PKHD1: variants seen among roughly 807,000 people sequenced by gnomAD.
The protein encoded by PKHD1 is fibrocystin.
PKHD1 carries 291 observed loss-of-function variants against 412.0 expected under a neutral mutation model. That is an observed-to-expected ratio of 0.71 (90% confidence interval 0.64 to 0.78). The LOEUF (loss-of-function observed/expected upper bound fraction) is 0.78. Among genes scored for constraint, PKHD1 ranks in the 30% least tolerant of loss-of-function variants. PKHD1 has a pLI of 0.00. For synonymous variants in PKHD1, 1,777 were observed against 1,821.5 expected (o/e 0.98, Z 0.62); for missense variants, 4,825 against 4,950.7 (o/e 0.97, Z 0.76).
intron 65 of PKHD1, among the ~76,000 whole-genome samples, chr6:51,627,934 T>A (rs1373330287): frequency 1.3e-5 from 2 of 152,138 alleles, no homozygotes; most frequent in African/African-American, 4.8e-5. Context: ...GTAAAAAAGA[T>A]CTGATCCCTA....
chr6:52,027,847 A>G lies in PKHD1; in HGVS notation c.3610T>C (p.Cys1204Arg), dbSNP rs999887393. ...YLTEVFSIEPCCGSLLGGTIL... is the reference protein window; with the variant it reads ...YLTEVFSIEPRCGSLLGGTIL... ...CACTCACCCAGCAGGGACCCACAGC[A>G]AGGCTCGATGCTGAAAACTTCTGTG... The change falls in exon 31 of 67, where the codon TGC becomes CGC. Residue 1204 changes from cysteine to arginine, a missense_variant. Cys to Arg is a radical substitution (Grantham distance 180). Coordinates refer to ENST00000371117, the MANE Select transcript of PKHD1 (RefSeq NM_138694.4). 5.6e-6 allele frequency: 9 copies of G among 1,613,072 alleles called. No individual in the cohort carries two copies. The African/African-American group carries it at 1.2e-4, about 22-fold the overall frequency.
intron 52 of PKHD1, among the ~76,000 whole-genome samples, chr6:51,794,944 T>C (rs1161668837): frequency 6.6e-6 from 1 of 152,216 alleles, no homozygotes; most frequent in African/African-American, 2.4e-5. Flanking sequence ...CCCTGCGGTA[T>C]AAAGTTGGGT....
Position 52,022,846 on chromosome 6 carries a change from T to C in PKHD1, c.5335A>G (p.Asn1779Asp). The C allele has an allele frequency of 6.2e-7, 1 of 1,614,124 alleles. No individual in the cohort carries two copies. The highest frequency in any genetic ancestry group is 8.5e-7 in the Non-Finnish European group (1 of 1,180,024). Residue 1779 changes from asparagine (N) to aspartate (D), a missense_variant, in exon 33 of 67, where the codon AAT (asparagine) becomes GAT (aspartate). Coordinates refer to ENST00000371117, the MANE Select transcript of PKHD1 (RefSeq NM_138694.4). Reference protein sequence around the residue: ...VCGAPCRVLANATVSAFSCLV... With the variant: ...VCGAPCRVLADATVSAFSCLV... ...CAGCTGAAGGCAGACACTGTAGCAT[T>C]AGCCAGGACTCGGCAGGGAGCACCA...
chr6:51,638,615 G>A (rs997516026), intron 64 of PKHD1, among the ~76,000 whole-genome samples: 1 of 152,118 alleles, frequency 6.6e-6, no homozygotes, highest in Non-Finnish European at 1.5e-5. Context: ...AAACGTCAAT[G>A]TTGAGAAGGA....
At chr6:52,055,305 G>A (rs1049262541) in intron 19 of PKHD1, among the ~76,000 whole-genome samples, 3 of 152,346 alleles carry the variant, frequency 2.0e-5, no homozygotes, top group Non-Finnish European at 4.4e-5. Context: ...CAATGACACA[G>A]TCTGTACTCT....
chr6:51,952,171 A>G (rs1166978828), intron 36 of PKHD1, among the ~76,000 whole-genome samples: 1 of 152,176 alleles, frequency 6.6e-6, no homozygotes, highest in African/African-American at 2.4e-5. Flanking sequence ...CTCTGGAGGT[A>G]AATAATGTAA....
intron 63 of PKHD1, 62 bp from the exon 64 acceptor site, chr6:51,639,018 T>A: frequency 8.3e-7 from 1 of 1,201,100 alleles, no homozygotes; most frequent in Non-Finnish European, 1.2e-6. Flanking sequence ...AATGTCTTCA[T>A]GTCTTCTGCG....
chr6:52,000,024 A>T (rs1287946177), intron 35 of PKHD1, among the ~76,000 whole-genome samples: 1 of 152,208 alleles, frequency 6.6e-6, no homozygotes. Flanking sequence ...CTTCAGGGAG[A>T]TGGTAGTTTA....
At chr6:51,803,571 G>A (rs1263186376) in intron 52 of PKHD1, among the ~76,000 whole-genome samples, 2 of 151,466 alleles carry the variant, frequency 1.3e-5, no homozygotes, top group African/African-American at 2.5e-5. Flanking sequence ...TAAAGAAAAG[G>A]TATTATCACT....
chr6:51,847,260 ATT>A (rs981973021), intron 50 of PKHD1, among the ~76,000 whole-genome samples: 128 of 99,980 alleles, frequency 1.3e-3, no homozygotes, highest in African/African-American at 4.9e-3. Context: ...CATGCCCAGC[ATT>A]TTTTTTTTTT....
chr6:51,888,726 A>G (rs1160926409), intron 43 of PKHD1, among the ~76,000 whole-genome samples: 1 of 151,532 alleles, frequency 6.6e-6, no homozygotes, highest in South Asian at 2.1e-4. Context: ...GCAACAAAGT[A>G]AATAACATGT....
At chr6:52,013,299 T>C (rs1800035891) in intron 34 of PKHD1, among the ~76,000 whole-genome samples, 1 of 152,248 alleles carries the variant, frequency 6.6e-6, no homozygotes, top group Non-Finnish European at 1.5e-5. Flanking sequence ...TCACTAAGCA[T>C]GTTATTCTTG....
intron 60 of PKHD1, among the ~76,000 whole-genome samples, chr6:51,740,791 AC>A (rs1203718035): frequency 6.6e-6 from 1 of 152,186 alleles, no homozygotes; most frequent in Non-Finnish European, 1.5e-5. Context: ...TCCTGTCAGC[AC>A]CCGGAAGGCA....
intron 36 of PKHD1, among the ~76,000 whole-genome samples, chr6:51,937,626 A>C (rs1415515078): frequency 1.3e-5 from 2 of 152,188 alleles, no homozygotes; most frequent in Non-Finnish European, 2.9e-5. Flanking sequence ...AGTAATAGTC[A>C]CGGGATGTAT....
intron 36 of PKHD1, among the ~76,000 whole-genome samples, chr6:51,959,107 T>G (rs752145283): frequency 2.2e-4 from 34 of 152,156 alleles, no homozygotes; most frequent in Non-Finnish European, 4.3e-4. Context: ...GATGAATGTT[T>G]GTGTGTTAAA....
At chr6:51,999,361 T>G (rs528045352) in intron 35 of PKHD1, among the ~76,000 whole-genome samples, 1 of 152,164 alleles carries the variant, frequency 6.6e-6, no homozygotes, top group African/African-American at 2.4e-5. Context: ...GAGTTTTTGT[T>G]TTTGTTTTTT....
intron 60 of PKHD1, among the ~76,000 whole-genome samples, chr6:51,668,727 C>T (rs563899051): frequency 6.6e-6 from 1 of 152,194 alleles, no homozygotes; most frequent in East Asian, 1.9e-4. Context: ...CCCATCAATA[C>T]CTAATTTATT....
chr6:51,974,677 G>A (rs4715265), intron 35 of PKHD1, among the ~76,000 whole-genome samples: 57,843 of 151,954 alleles, frequency 0.38, 12,805 homozygotes, highest in Admixed American at 0.52. Context: ...GCATAAGAAC[G>A]ACACAATGGA....
At position 52,023,064 on chromosome 6, in the gene PKHD1, G is replaced by A. The variant is rs193182484; in HGVS notation, c.5237-120C>T. On this transcript the variant is annotated intron_variant, in intron 32 of 66. Transcript: ENST00000371117. ...TCTTCTTTTCACATCCTCAGAATCCGCACAACTGGCTTGAGGTGGCTGCTG... is the reference window on the plus strand; with the variant it reads ...TCTTCTTTTCACATCCTCAGAATCCACACAACTGGCTTGAGGTGGCTGCTG... 8.4e-4 allele frequency: 992 copies of A among 1,175,236 alleles called. 12 individuals carry two copies. In the South Asian group the frequency reaches 0.01, roughly 12 times the overall value. The allele number at this position is 1,175,236 out of a possible 1,614,324, so 72.8% of individuals were successfully genotyped here.
Sources: gnomAD v4.1 joint callset for allele counts (sites outside exome capture counted in the v4.1 genomes callset) on GRCh38, gnomAD v4.1.1 for gene constraint, MANE v1.5 for transcripts, NCBI Gene and HGNC (gene_info 2026-07-23, HGNC 2026-07-21) for gene names.